Variants in FRMD5 observed in about 807,000 individuals in gnomAD.
FRMD5 encodes FERM domain-containing protein 5.
In FRMD5, 20 loss-of-function variants were observed where a neutral mutation model predicts 69.0. The observed-to-expected ratio is 0.29, with a 90% CI of 0.20 to 0.42. FRMD5 has a LOEUF of 0.42. Among genes scored for constraint, FRMD5 ranks in the 10% least tolerant of loss-of-function variants. FRMD5 has a pLI of 1.00. For synonymous variants in FRMD5, 271 were observed against 260.1 expected, an observed-to-expected ratio of 1.04 and a Z score of -0.40; for missense variants, 595 against 708.6, an observed-to-expected ratio of 0.84 and a Z score of 1.82.
At chr15:44,116,858 G>A (rs1371114030) in intron 1 of FRMD5, among the ~76,000 whole-genome samples, 1 of 152,044 alleles carries the variant, frequency 6.6e-6, no homozygotes, top group African/African-American at 2.4e-5. Flanking sequence ...GAGGCGGGCG[G>A]ATCACCTGAG....
intron 1 of FRMD5, among the ~76,000 whole-genome samples, chr15:43,991,730 G>T (rs1889688193): frequency 6.6e-6 from 1 of 152,062 alleles, no homozygotes; most frequent in Admixed American, 6.6e-5. Flanking sequence ...ACCAGGTAAG[G>T]GATTGATATT....
At chr15:44,133,036 C>G (rs774644500) in intron 1 of FRMD5, among the ~76,000 whole-genome samples, 1 of 151,958 alleles carries the variant, frequency 6.6e-6, no homozygotes, top group South Asian at 2.1e-4. Context: ...GCTGGGATTA[C>G]AGGCATGAGC....
At chr15:43,922,647 A>T (rs1036873660) in intron 2 of FRMD5, among the ~76,000 whole-genome samples, 1 of 150,690 alleles carries the variant, frequency 6.6e-6, no homozygotes, top group African/African-American at 2.4e-5. Flanking sequence ...GGATGAAGAG[A>T]TCTTGGAGTA....
chr15:44,162,393 C>T (rs1304528754), intron 1 of FRMD5, among the ~76,000 whole-genome samples: 4 of 151,884 alleles, frequency 2.6e-5, no homozygotes, highest in African/African-American at 7.3e-5. Flanking sequence ...CACGCCACCA[C>T]ACCTGGCTTA....
intron 1 of FRMD5, among the ~76,000 whole-genome samples, chr15:44,131,077 A>G (rs2140419142): frequency 6.6e-6 from 1 of 152,280 alleles, no homozygotes; most frequent in Non-Finnish European, 1.5e-5. Context: ...TAAAATCTCC[A>G]AATCTTACTG....
intron 1 of FRMD5, among the ~76,000 whole-genome samples, chr15:44,004,686 C>T (rs536300935): frequency 6.6e-6 from 1 of 152,150 alleles, no homozygotes; most frequent in African/African-American, 2.4e-5. Flanking sequence ...CTCCCTATAC[C>T]CTGAGACACA....
At chr15:43,924,680 C>G (rs1368073374) in intron 1 of FRMD5, among the ~76,000 whole-genome samples, 1 of 152,154 alleles carries the variant, frequency 6.6e-6, no homozygotes, top group East Asian at 1.9e-4. Flanking sequence ...TAAAGTAAAT[C>G]TTGAATCCAT....
intron 1 of FRMD5, among the ~76,000 whole-genome samples, chr15:44,065,379 G>A (rs1474986425): frequency 1.3e-5 from 2 of 152,134 alleles, no homozygotes; most frequent in Non-Finnish European, 2.9e-5. Context: ...AAAGGAAGGG[G>A]TAATGAAGGA....
chr15:44,096,123 T>C (rs2076548068), intron 1 of FRMD5, among the ~76,000 whole-genome samples: 1 of 148,714 alleles, frequency 6.7e-6, no homozygotes, highest in Non-Finnish European at 1.5e-5. Context: ...GGAGAATCGC[T>C]TGAACCCAGG....
chr15:43,979,081 T>C (rs901918751), intron 1 of FRMD5, among the ~76,000 whole-genome samples: 2 of 152,092 alleles, frequency 1.3e-5, no homozygotes, highest in Non-Finnish European at 2.9e-5. Context: ...CTCATGTCTT[T>C]AATCTCAGCA....
intron 1 of FRMD5, among the ~76,000 whole-genome samples, chr15:43,927,736 T>C (rs966067475): frequency 4.6e-5 from 7 of 152,182 alleles, no homozygotes; most frequent in African/African-American, 1.4e-4. Flanking sequence ...TGGTGCTTTT[T>C]TTTTTTTAAT....
intron 1 of FRMD5, among the ~76,000 whole-genome samples, chr15:44,005,598 G>A (rs1379351720): frequency 6.6e-6 from 1 of 152,022 alleles, no homozygotes. Flanking sequence ...TTTCTTGGGA[G>A]GCCTCAGGAA....
At chr15:44,022,340 G>C (rs971229172) in intron 1 of FRMD5, among the ~76,000 whole-genome samples, 3 of 151,706 alleles carry the variant, frequency 2.0e-5, no homozygotes, top group Non-Finnish European at 4.4e-5. Flanking sequence ...TGAGATTGGG[G>C]GATCACTTGA....
chr15:44,166,419 T>G lies in FRMD5; in HGVS notation c.102+28534A>C, dbSNP rs115029598. Among the ~76,000 whole-genome samples, 762 of 152,268 alleles carry G rather than the reference T, an allele frequency of 5.0e-3. 5 individuals carry two copies. The highest frequency in any genetic ancestry group is 0.018 in the African/African-American group (728 of 41,530). On this transcript the variant is annotated intron_variant, in intron 1 of 13. Transcript: ENST00000417257. ...CTTTGATGTTTCTGACATAAAGAGA[T>G]TTTTAATTTTTATGTGGTATATCTT...
intron 1 of FRMD5, among the ~76,000 whole-genome samples, chr15:44,053,223 G>C (rs551516016): frequency 6.6e-6 from 1 of 152,140 alleles, no homozygotes; most frequent in Non-Finnish European, 1.5e-5. Context: ...CAGAGAGTTA[G>C]GGGGATACTG....
chr15:43,919,937 G>T (rs566810555), intron 2 of FRMD5, 128 bp from the exon 3 acceptor site: 1 of 824,804 alleles, frequency 1.2e-6, no homozygotes. Context: ...GCTTATGAAA[G>T]ATAAGTTTGG....
intron 10 of FRMD5, among the ~76,000 whole-genome samples, chr15:43,886,717 G>A (rs1423452610): frequency 3.3e-5 from 5 of 152,196 alleles, no homozygotes; most frequent in African/African-American, 4.8e-5. Flanking sequence ...CAGGACATCC[G>A]AGCTGCTTAC....
Position 43,873,961 on chromosome 15 carries a change from T to G in FRMD5, c.1637A>C (p.Tyr546Ser). 1 of 1,614,138 alleles carries G rather than the reference T, an allele frequency of 6.2e-7. No homozygotes were observed. Among genetic ancestry groups the G allele is most frequent in the Non-Finnish European group, 8.5e-7 (1 of 1,180,020 alleles). ...TCGCCTGAGGGGACAAAAGTATTGA[T>G]AGTGGAATTGTTCAAACTCGGGGGT... is the stretch of plus-strand genomic sequence containing the variant. ...RQTPEFEQFHYQYFCPLRRWF... is the reference protein window; with the variant it reads ...RQTPEFEQFHSQYFCPLRRWF... Residue 546 changes from tyrosine to serine, a missense_variant, in exon 14 of 14, where the codon TAT becomes TCT. By Grantham distance (144) the Tyr-to-Ser change is moderately radical. Around this residue, in one of 5 missense-constraint regions of FRMD5, gnomAD observed 245 missense variants for 227.1 expected, o/e 1.08. Transcript: ENST00000417257.
chr15:43,880,915 G>GTTT (rs779952452), intron 13 of FRMD5, among the ~76,000 whole-genome samples: 7 of 152,224 alleles, frequency 4.6e-5, no homozygotes, highest in African/African-American at 9.6e-5. Flanking sequence ...GGAGGCTGGA[G>GTTT]GTAAAGCCAG....
Sources: gnomAD v4.1 joint callset for allele counts (sites outside exome capture counted in the v4.1 genomes callset) on GRCh38, gnomAD v4.1.1 for gene constraint, gnomAD v4.1.1 regional missense constraint, MANE v1.5 for transcripts, NCBI Gene and HGNC (gene_info 2026-07-23, HGNC 2026-07-21) for gene names.